The following LRMDA variants were observed in gnomAD, a reference collection of about 807,000 sequenced individuals.
LRMDA encodes leucine-rich melanocyte differentiation-associated protein.
Under a neutral mutation model 29.8 loss-of-function variants are expected in LRMDA, and 18 were observed. The observed-to-expected ratio is 0.60, with a 90% CI of 0.42 to 0.90. The LOEUF is 0.90. Among genes scored for constraint, LRMDA ranks in the 40% least tolerant of loss-of-function variants. LRMDA has a pLI of 0.00. For missense variants in LRMDA, 273 were observed against 273.9 expected (o/e 1.00, Z 0.02); for synonymous variants, 125 against 109.4 (o/e 1.14, Z -0.89).
chr10:75,606,104 C>T (rs906586789), intron 2 of LRMDA, among the ~76,000 whole-genome samples: 6 of 152,114 alleles, frequency 3.9e-5, no homozygotes, highest in Non-Finnish European at 7.4e-5. Flanking sequence ...GTGATCCACC[C>T]GCCTCAGCCT....
chr10:75,906,693 T>A (rs1484168781), intron 2 of LRMDA, among the ~76,000 whole-genome samples: 1 of 152,246 alleles, frequency 6.6e-6, no homozygotes, highest in Non-Finnish European at 1.5e-5. Context: ...ATTATAATAA[T>A]AAAATACAAA....
intron 6 of LRMDA, among the ~76,000 whole-genome samples, chr10:76,373,590 C>T (rs11001756): frequency 0.1 from 15,931 of 152,000 alleles, 956 homozygotes; most frequent in East Asian, 0.3. Context: ...TCACTACCAT[C>T]AGTTGCATTG....
chr10:75,654,615 T>C (rs10159696), intron 2 of LRMDA, among the ~76,000 whole-genome samples: 28,449 of 152,158 alleles, frequency 0.19, 6,489 homozygotes, highest in African/African-American at 0.53. Context: ...TTTGCCAGTT[T>C]GTTTGTCTTA....
chr10:76,366,227 C>CT (rs1274420738), intron 6 of LRMDA, among the ~76,000 whole-genome samples: 1 of 152,076 alleles, frequency 6.6e-6, no homozygotes, highest in South Asian at 2.1e-4. Context: ...TATGCAGACT[C>CT]TTTTTTGGTT....
At position 76,559,195 on chromosome 10, in the gene LRMDA, A is replaced by G. The variant is rs1351675570; in HGVS notation, c.*1907A>G. 2 of 152,140 alleles carry G rather than the reference A, an allele frequency of 1.3e-5. No individual in the cohort carries two copies. Among genetic ancestry groups the G allele is most frequent in the Non-Finnish European group, 2.9e-5 (2 of 68,026 alleles). 9.4% of individuals were successfully genotyped at this position (152,140 alleles called of 1,614,324 possible). On this transcript the variant is annotated 3_prime_UTR_variant, in exon 7 of 7. Coordinates refer to ENST00000611255, the MANE Select transcript of LRMDA (RefSeq NM_001305581.2). The stretch of plus-strand genomic sequence containing the variant: ...ATAAAAGGCTTTAACCCTGCCTCAA[A>G]CAATAAAAAAGCACTTGTGAACTGA...
chr10:76,208,684 C>T (rs1403399719), intron 5 of LRMDA, among the ~76,000 whole-genome samples: 1 of 152,134 alleles, frequency 6.6e-6, no homozygotes, highest in Non-Finnish European at 1.5e-5. Context: ...AGCAGTGAAG[C>T]CCAGGGTAAT....
intron 2 of LRMDA, among the ~76,000 whole-genome samples, chr10:75,787,124 G>A (rs911545986): frequency 5.3e-5 from 8 of 152,228 alleles, no homozygotes; most frequent in African/African-American, 1.9e-4. Context: ...AGACTTGAGT[G>A]TCTCTATCTT....
At chr10:75,963,583 T>A (rs74149845) in intron 2 of LRMDA, among the ~76,000 whole-genome samples, 2,698 of 152,288 alleles carry the variant, frequency 0.018, 62 homozygotes, top group East Asian at 0.064. Flanking sequence ...AGATCATAGA[T>A]GTGGGTGGCA....
At chr10:75,583,519 C>T (rs565966583) in intron 2 of LRMDA, among the ~76,000 whole-genome samples, 51 of 152,246 alleles carry the variant, frequency 3.3e-4, no homozygotes, top group Non-Finnish European at 6.3e-4. Context: ...CCAAGGAAGA[C>T]GGTGCTAAAC....
intron 1 of LRMDA, among the ~76,000 whole-genome samples, chr10:75,433,228 G>A (rs1275489671): frequency 1.3e-5 from 2 of 152,122 alleles, no homozygotes; most frequent in Admixed American, 6.5e-5. Context: ...CAGATTTGGT[G>A]TTCTCCCGGT....
At chr10:75,716,508 GTTTCT>G (rs1452535253) in intron 2 of LRMDA, among the ~76,000 whole-genome samples, 2 of 152,162 alleles carry the variant, frequency 1.3e-5, no homozygotes, top group Admixed American at 1.3e-4. Flanking sequence ...CTGCTCAAAT[GTTTCT>G]TTGCCTGCAA....
intron 2 of LRMDA, among the ~76,000 whole-genome samples, chr10:75,536,859 CTA>C (rs1839956407): frequency 6.6e-6 from 1 of 152,020 alleles, no homozygotes; most frequent in Non-Finnish European, 1.5e-5. Context: ...TGTGCCTGGC[CTA>C]CTGAAGCATT....
At chr10:76,510,610 A>G (rs1483805993) in intron 6 of LRMDA, among the ~76,000 whole-genome samples, 1 of 152,204 alleles carries the variant, frequency 6.6e-6, no homozygotes, top group African/African-American at 2.4e-5. Flanking sequence ...CAGCCAGTCA[A>G]TTTATCTGGG....
chr10:76,415,408 A>G (rs1042353667), intron 6 of LRMDA, among the ~76,000 whole-genome samples: 2 of 152,098 alleles, frequency 1.3e-5, no homozygotes, highest in Admixed American at 6.5e-5. Flanking sequence ...GTAGCTTAGT[A>G]TGGACACAAG....
rs193162090 is a variant in LRMDA at position 75,661,144 on chromosome 10, G to A, written c.131+222650G>A. Among the ~76,000 whole-genome samples, 48 of 152,236 alleles carry A rather than the reference G, an allele frequency of 3.2e-4. 3 individuals carry two copies. The highest frequency in any genetic ancestry group is 3.1e-3 in the Admixed American group (48 of 15,292). On this transcript the variant is annotated intron_variant, in intron 2 of 6. Transcript: ENST00000611255. Reference sequence around the variant, plus strand: ...TCTGCTGTGTTGAGGCACACGGGCTGGGGGAGGCCCTTCCTGCCACCGCCC... The same window carrying A: ...TCTGCTGTGTTGAGGCACACGGGCTAGGGGAGGCCCTTCCTGCCACCGCCC...
intron 2 of LRMDA, among the ~76,000 whole-genome samples, chr10:75,711,087 AT>A (rs1341091936): frequency 6.6e-6 from 1 of 152,256 alleles, no homozygotes; most frequent in Non-Finnish European, 1.5e-5. Context: ...ATTTGGAATG[AT>A]GTATTAAAAC....
At chr10:76,160,586 T>C (rs901127597) in intron 5 of LRMDA, among the ~76,000 whole-genome samples, 1 of 152,176 alleles carries the variant, frequency 6.6e-6, no homozygotes, top group Non-Finnish European at 1.5e-5. Context: ...TGTTGATTTA[T>C]AGATACAAGA....
intron 2 of LRMDA, among the ~76,000 whole-genome samples, chr10:75,454,139 T>C (rs1465891645): frequency 5.3e-5 from 8 of 152,176 alleles, no homozygotes; most frequent in Admixed American, 5.2e-4. Flanking sequence ...CTCCTGGCTA[T>C]AGGGCAGGAC....
intron 2 of LRMDA, among the ~76,000 whole-genome samples, chr10:75,962,183 C>CA (rs2132430009): frequency 6.6e-6 from 1 of 152,250 alleles, no homozygotes; most frequent in South Asian, 2.1e-4. Flanking sequence ...GACATGATTC[C>CA]ACTCATAACA....
Sources: gnomAD v4.1 joint callset for allele counts (sites outside exome capture counted in the v4.1 genomes callset) on GRCh38, gnomAD v4.1.1 for gene constraint, MANE v1.5 for transcripts, NCBI Gene and HGNC (gene_info 2026-07-23, HGNC 2026-07-21) for gene names.